The following FANCD2 variants were observed in gnomAD, a reference collection of about 807,000 sequenced individuals.
FANCD2 encodes Fanconi anemia group D2 protein.
Under a neutral mutation model 192.3 loss-of-function variants are expected in FANCD2, and 131 were observed. The observed-to-expected ratio is 0.68, with a 90% CI of 0.59 to 0.79. The LOEUF (loss-of-function observed/expected upper bound fraction) is 0.79, where lower values mean the gene tolerates loss of function less well. FANCD2 is among the 30% of genes least tolerant of loss of function. The probability of loss-of-function intolerance (pLI) is 0.00; values close to 1 mark genes in which losing one functional copy is unlikely to be tolerated. For missense variants in FANCD2, 1,508 were observed against 1,701.6 expected (o/e 0.89, Z 2.00); for synonymous variants, 524 against 612.5 (o/e 0.86, Z 2.13).
Position 10,093,306 on chromosome 3 carries a change from C to T in FANCD2, c.3871C>T (p.Leu1291=), listed in dbSNP as rs771698231. 2.2e-5 allele frequency: 35 copies of T among 1,613,200 alleles called. No homozygotes were observed. The highest frequency in any genetic ancestry group is 2.9e-5 in the Non-Finnish European group (34 of 1,179,270). ...LIKVFDSHPV[L]HVCLKYGRLF... ...CCAGGTATTTGATAGTCATCCTGTTCTGCATGTATGTTTGAAGGTGAGAGA... is the reference window on the plus strand; with the variant it reads ...CCAGGTATTTGATAGTCATCCTGTTTTGCATGTATGTTTGAAGGTGAGAGA... The change falls in exon 39 of 44, where the codon CTG becomes TTG. Residue 1291 remains leucine (L), a synonymous_variant. Coordinates refer to ENST00000675286, the MANE Select transcript of FANCD2 (RefSeq NM_001018115.3).
chr3:10,069,653 G>A (rs1258094389), intron 26 of FANCD2, among the ~76,000 whole-genome samples: 3 of 152,066 alleles, frequency 2.0e-5, no homozygotes, highest in Admixed American at 6.5e-5. Flanking sequence ...TGGTGGAGAC[G>A]GGGTTTCGCT....
intron 42 of FANCD2, 59 bp downstream of exon 42, chr3:10,096,531 G>A (rs1694977415): frequency 6.5e-7 from 1 of 1,546,906 alleles, no homozygotes. Flanking sequence ...GACAGCATCA[G>A]ATGGCATGTA....
At chr3:10,088,587 A>G (rs377716703) in intron 35 of FANCD2, 45 bp downstream of exon 35, 13 of 1,347,152 alleles carry the variant, frequency 9.6e-6, no homozygotes, top group African/African-American at 1.4e-5. Flanking sequence ...GCTTTTTTCT[A>G]TTTTGCTACT....
At chr3:10,099,443 C>T (rs920939039) in intron 43 of FANCD2, 4 of 553,512 alleles carry the variant, frequency 7.2e-6, no homozygotes, top group Admixed American at 5.1e-5. Context: ...CACAACATAA[C>T]AAGACCCTAT....
At chr3:10,026,537 A>C in intron 1 of FANCD2, 64 bp downstream of exon 1, 1 of 466,418 alleles carries the variant, frequency 2.1e-6, no homozygotes, top group Non-Finnish European at 2.8e-6. Flanking sequence ...CTAATCTCTA[A>C]GTCCGGGCCG....
chr3:10,064,841 G>A lies in FANCD2; in HGVS notation c.2134G>A (p.Gly712Arg), dbSNP rs967484396. ...LLFSQDFAKD[G>R]GPVTSQESGQ... ...GTTTTCTCAGGACTTTGCAAAAGAT[G>A]GGGGTCCGGTGACCTCACAGGAATC... The change falls in exon 23 of 44, where the codon GGG becomes AGG. Residue 712 changes from glycine to arginine, a missense_variant. Transcript: ENST00000675286. 2 of 1,613,728 alleles carry A rather than the reference G, an allele frequency of 1.2e-6. No homozygotes were observed. Among genetic ancestry groups the A allele is most frequent in the African/African-American group, 1.3e-5 (1 of 75,032 alleles).
At chr3:10,090,443 A>ATTTTTTTT (rs773716319) in intron 37 of FANCD2, 58 bp downstream of exon 37, 12 of 342,306 alleles carry the variant, frequency 3.5e-5, no homozygotes, top group African/African-American at 1.5e-4. Flanking sequence ...GAAGTTGCTG[A>ATTTTTTTT]TTTTTTTTTT....
intron 10 of FANCD2, among the ~76,000 whole-genome samples, chr3:10,042,148 G>A (rs185383953): frequency 3.3e-4 from 50 of 151,908 alleles, no homozygotes; most frequent in East Asian, 3.9e-4. Context: ...CACCCCCCTC[G>A]GCCTCCCAAA....
At chr3:10,085,614 T>C (rs1412782073) in intron 32 of FANCD2, among the ~76,000 whole-genome samples, 198 bp from the exon 33 acceptor site, 1 of 152,034 alleles carries the variant, frequency 6.6e-6, no homozygotes, top group Non-Finnish European at 1.5e-5. Flanking sequence ...ATGGTCTCCA[T>C]GTGTTGACCT....
chr3:10,093,284 G>C lies in FANCD2; in HGVS notation c.3850-1G>C. The C allele has an allele frequency of 6.2e-7, 1 of 1,613,224 alleles. No homozygotes were observed. The highest frequency in any genetic ancestry group is 8.5e-7 in the Non-Finnish European group (1 of 1,179,196). The stretch of plus-strand genomic sequence containing the variant: ...TGGTTTCTTGTCTTTCACCTCTCCA[G>C]GTATTTGATAGTCATCCTGTTCTGC... On this transcript the variant is annotated splice_acceptor_variant, in intron 38 of 43. Coordinates refer to ENST00000675286, the MANE Select transcript of FANCD2 (RefSeq NM_001018115.3). LOFTEE classifies it high-confidence loss of function.
At position 10,054,056 on chromosome 3, in the gene FANCD2, A is replaced by G. The variant is rs1376970591; in HGVS notation, c.1656+1559A>G. Among the ~76,000 whole-genome samples, 9 of 151,890 alleles carry G rather than the reference A, an allele frequency of 5.9e-5. No individual in the cohort carries two copies. In the South Asian group the frequency reaches 1.9e-3, roughly 32 times the overall value. On this transcript the variant is annotated intron_variant, in intron 18 of 43. Coordinates refer to ENST00000675286, the MANE Select transcript of FANCD2 (RefSeq NM_001018115.3). ...TGAAACCCCATCTCTACAAAAACAT[A>G]GAAAAATTAGCCAGGTGTGGTGGCA... is the stretch of plus-strand genomic sequence containing the variant.
At chr3:10,030,697 C>G (rs1039166268) in intron 2 of FANCD2, among the ~76,000 whole-genome samples, 1 of 151,550 alleles carries the variant, frequency 6.6e-6, no homozygotes, top group Non-Finnish European at 1.5e-5. Context: ...GTCAGGAGTT[C>G]AAGATCAGCC....
chr3:10,077,906 T>TA (rs1326777351), intron 29 of FANCD2, among the ~76,000 whole-genome samples, 175 bp from the exon 30 acceptor site: 1 of 151,866 alleles, frequency 6.6e-6, no homozygotes, highest in Non-Finnish European at 1.5e-5. Context: ...TGGTTGTGTG[T>TA]GCCTATAGTC....
At chr3:10,057,004 A>G (rs2087431617) in intron 18 of FANCD2, among the ~76,000 whole-genome samples, 1 of 152,084 alleles carries the variant, frequency 6.6e-6, no homozygotes, top group Admixed American at 6.6e-5. Flanking sequence ...ATAGGTGTGC[A>G]CCACCATGCC....
In FANCD2 at chr3:10,085,894, C is replaced by G. The variant is rs1240225716; in HGVS notation, c.3307C>G (p.His1103Asp). ...TAGTAGCCGACTGAAACAGGGAGAA[C>G]ACAGCCAGCCTTTGGAGGAACTACT... ...VLSSRLKQGEHSQPLEELLSQ... is the reference protein window; with the variant it reads ...VLSSRLKQGEDSQPLEELLSQ... The change falls in exon 33 of 44, where the codon CAC (histidine) becomes GAC (aspartate). Residue 1103 changes from histidine (H) to aspartate (D), a missense_variant. Physicochemically the swap from His to Asp is moderately conservative, Grantham distance 81 (BLOSUM62 -1). Around this residue, in one of 5 missense-constraint regions of FANCD2, gnomAD observed 796 missense variants for 879.4 expected, o/e 0.91. Coordinates refer to ENST00000675286, the MANE Select transcript of FANCD2 (RefSeq NM_001018115.3). 15 of 1,612,912 alleles carry G rather than the reference C, an allele frequency of 9.3e-6. No individual in the cohort carries two copies. Among genetic ancestry groups the G allele is most frequent in the Non-Finnish European group, 1.3e-5 (15 of 1,179,120 alleles).
chr3:10,039,953 A>T, intron 9 of FANCD2, 108 bp downstream of exon 9: 1 of 1,291,532 alleles, frequency 7.7e-7, no homozygotes, highest in Non-Finnish European at 1.1e-6. Flanking sequence ...TAAAAAGAGG[A>T]TGATACCCCC....
At chr3:10,099,193 T>C in intron 43 of FANCD2, 1 of 1,394,162 alleles carries the variant, frequency 7.2e-7, no homozygotes, top group Non-Finnish European at 9.3e-7. Flanking sequence ...CATACAAAAA[T>C]AGAAATGTGA....
chr3:10,026,759 C>G (rs1273101772), intron 1 of FANCD2: 1 of 152,118 alleles, frequency 6.6e-6, no homozygotes, highest in East Asian at 1.9e-4. Context: ...TGGTATCGCA[C>G]GTGTTAAAGG....
intron 13 of FANCD2, 29 bp from the exon 14 acceptor site, chr3:10,043,800 A>C (rs1196952644): frequency 6.2e-7 from 1 of 1,610,752 alleles, no homozygotes; most frequent in East Asian, 2.2e-5. Flanking sequence ...GTGTCATAAT[A>C]TTTTTGTGAC....
Sources: gnomAD v4.1 joint callset for allele counts (sites outside exome capture counted in the v4.1 genomes callset) on GRCh38, gnomAD v4.1.1 for gene constraint, gnomAD v4.1.1 regional missense constraint, MANE v1.5 for transcripts, NCBI Gene and HGNC (gene_info 2026-07-23, HGNC 2026-07-21) for gene names.